The following ZNF529 variants were observed in gnomAD, a reference collection of about 807,000 sequenced individuals.
ZNF529 encodes the protein zinc finger protein 529.
In ZNF529, 11 loss-of-function variants were observed where a neutral mutation model predicts 10.1. The observed-to-expected ratio is 1.09, with a 90% CI of 0.69 to 1.81. ZNF529 has a LOEUF of 1.81. Among genes scored for constraint, ZNF529 ranks in the 40% most tolerant of loss-of-function variants. The pLI, the probability that ZNF529 is intolerant of heterozygous loss-of-function variation, is 0.00. For synonymous variants in ZNF529, 204 were observed against 215.7 expected, an observed-to-expected ratio of 0.95 and a Z score of 0.47; for missense variants, 624 against 666.8, an observed-to-expected ratio of 0.94 and a Z score of 0.71.
chr19:36,555,164 A>G lies in ZNF529; in HGVS notation c.109-368T>C, dbSNP rs910130454. Among the ~76,000 whole-genome samples, 8 of 152,212 alleles carry G rather than the reference A, an allele frequency of 5.3e-5. No homozygotes were observed. In the South Asian group the frequency reaches 1.7e-3, roughly 32 times the overall value. ...ATACCGTCATTCCCCTGTACAGGAGAAAAATATCTAACTTTGAAAATGGGG... is the reference window on the plus strand; with the variant it reads ...ATACCGTCATTCCCCTGTACAGGAGGAAAATATCTAACTTTGAAAATGGGG... On this transcript the variant is annotated intron_variant, in intron 3 of 4. Transcript: ENST00000591340.
chr19:36,579,691 C>T (rs528782004), intron 2 of ZNF529, among the ~76,000 whole-genome samples: 13 of 152,196 alleles, frequency 8.5e-5, no homozygotes, highest in Non-Finnish European at 1.2e-4. Context: ...AATGGCACAC[C>T]GGTATAAGAT....
At chr19:36,585,018 G>A (rs1489823407) in intron 2 of ZNF529, among the ~76,000 whole-genome samples, 1 of 152,118 alleles carries the variant, frequency 6.6e-6, no homozygotes, top group Non-Finnish European at 1.5e-5. Context: ...CAGAAAGTGG[G>A]GAAAGAGATG....
chr19:36,589,904 A>G (rs190672590), intron 1 of ZNF529, among the ~76,000 whole-genome samples: 1 of 152,216 alleles, frequency 6.6e-6, no homozygotes, highest in African/African-American at 2.4e-5. Context: ...AAAATCGTAC[A>G]CAATGTATTC....
rs2035207081 is a variant in ZNF529, at chr19:36,550,199, G to T, written c.236-1877C>A. On this transcript the variant is annotated intron_variant, in intron 4 of 4. Coordinates refer to ENST00000591340, the MANE Select transcript of ZNF529 (RefSeq NM_020951.5). ...TGACGACAACATTAAAACCAGATTT[G>T]AGTGCCAGTATCAGTAAATCAAAAG... Among the ~76,000 whole-genome samples, 4 of 152,158 alleles carry T rather than the reference G, an allele frequency of 2.6e-5. No individual in the cohort carries two copies. The South Asian group carries it at 6.2e-4, about 24-fold the overall frequency.
In ZNF529 at chr19:36,548,329, G is replaced by A. The variant is rs1482551990; in HGVS notation, c.236-7C>T. 7 of 1,503,642 alleles carry A rather than the reference G, an allele frequency of 4.7e-6. No individual in the cohort carries two copies. The East Asian group carries it at 7.2e-5, about 15-fold the overall frequency. The allele number at this position is 1,503,642 out of a possible 1,614,324, so 93.1% of individuals were successfully genotyped here. Reference sequence around the variant, plus strand: ...TCATTCCTGGACTCCAAATCTGAAAGAAAGGAAAAAATAATTTTCATGTAC... The same window carrying A: ...TCATTCCTGGACTCCAAATCTGAAAAAAAGGAAAAAATAATTTTCATGTAC... On this transcript the variant is annotated splice_polypyrimidine_tract_variant and splice_region_variant and intron_variant, in intron 4 of 4. Transcript: ENST00000591340.
At chr19:36,602,286 T>C (rs1204444039) in intron 1 of ZNF529, among the ~76,000 whole-genome samples, 3 of 152,076 alleles carry the variant, frequency 2.0e-5, no homozygotes, top group African/African-American at 7.2e-5. Flanking sequence ...GACCTTGTGA[T>C]CCACCCACCT....
chr19:36,547,455 C>T lies in ZNF529; in HGVS notation c.1103G>A (p.Cys368Tyr). 1.2e-6 allele frequency: 2 copies of T among 1,614,008 alleles called. No homozygotes were observed. Among genetic ancestry groups the T allele is most frequent in the South Asian group, 1.1e-5 (1 of 91,072 alleles). ...RIHTGEKPYA[C>Y]KECGKAFGVC... Reference sequence around the variant, plus strand: ...TCCAAAAGCCTTCCCACATTCCTTACATGCATAAGGTTTCTCACCAGTGTG... The same window carrying T: ...TCCAAAAGCCTTCCCACATTCCTTATATGCATAAGGTTTCTCACCAGTGTG... The change falls in exon 5 of 5, where the codon TGT becomes TAT. Residue 368 changes from cysteine to tyrosine, a missense_variant. By Grantham distance (194) the Cys-to-Tyr change is radical. Coordinates refer to ENST00000591340, the MANE Select transcript of ZNF529 (RefSeq NM_020951.5).
intron 2 of ZNF529, among the ~76,000 whole-genome samples, chr19:36,568,387 A>C (rs1413985403): frequency 6.6e-6 from 1 of 152,146 alleles, no homozygotes; most frequent in Non-Finnish European, 1.5e-5. Flanking sequence ...AGAAGGAACA[A>C]AGCAGAGCTT....
At position 36,556,210 on chromosome 19, in the gene ZNF529, T is replaced by C. The variant is rs778403820; in HGVS notation, c.15-13A>G. 3.0e-6 allele frequency: 3 copies of C among 992,610 alleles called. No individual in the cohort carries two copies. In the South Asian group the frequency reaches 4.1e-5, roughly 14 times the overall value. The allele number at this position is 992,610 out of a possible 1,614,324, so 61.5% of individuals were successfully genotyped here. On this transcript the variant is annotated splice_polypyrimidine_tract_variant and intron_variant, in intron 2 of 4. Transcript: ENST00000591340. The stretch of plus-strand genomic sequence containing the variant: ...ATCCCCAATGAAACTGTAAAAATTA[T>C]TTTTTAAGAAAGAACCACCATTAAA...
chr19:36,554,405 T>C (rs753656071), intron 4 of ZNF529, among the ~76,000 whole-genome samples: 4 of 152,096 alleles, frequency 2.6e-5, no homozygotes, highest in East Asian at 3.9e-4. Flanking sequence ...GGTGAAACCC[T>C]GTCTCTACTA....
rs1407176468 is a variant in ZNF529, at chr19:36,544,178, C to A, written c.*2688G>T. On this transcript the variant is annotated 3_prime_UTR_variant, in exon 5 of 5. Coordinates refer to ENST00000591340, the MANE Select transcript of ZNF529 (RefSeq NM_020951.5). ...TGTTTTTGAGTAAAAATAGTAAAAA[C>A]CAAACAGTAATACCACCAATAATAA... 1 of 151,764 alleles carries A rather than the reference C, an allele frequency of 6.6e-6. No homozygotes were observed. Among genetic ancestry groups the A allele is most frequent in the Non-Finnish European group, 1.5e-5 (1 of 67,928 alleles). The allele number at this position is 151,764 out of a possible 1,614,324, so 9.4% of individuals were successfully genotyped here.
At chr19:36,576,863 A>G (rs531216535), upstream of ZNF529, among the ~76,000 whole-genome samples, 13 of 151,930 alleles carry the variant, frequency 8.6e-5, no homozygotes, top group Admixed American at 7.9e-4. Flanking sequence ...TTTGATGTCT[A>G]TGTAGTGAGT....
intron 2 of ZNF529, among the ~76,000 whole-genome samples, chr19:36,587,934 G>A (rs1451630700): frequency 6.6e-6 from 1 of 152,162 alleles, no homozygotes; most frequent in Non-Finnish European, 1.5e-5. Flanking sequence ...TGATGCTTGA[G>A]CCCAGGAGTT....
Position 36,548,258 on chromosome 19 carries a change from A to C in ZNF529, c.300T>G (p.Gly100=). Residue 100 remains glycine, a synonymous_variant, in exon 5 of 5, where the codon GGT becomes GGG. Coordinates refer to ENST00000591340, the MANE Select transcript of ZNF529 (RefSeq NM_020951.5). ...TACTTTCCATTACCTCCCACTGAGA[A>C]CCAGTGTTTTGAATAATATCTTTTC... ...SVGKDIIQNT[G]SQWEVMESSK... 1 of 1,613,242 alleles carries C rather than the reference A, an allele frequency of 6.2e-7. No individual in the cohort carries two copies. The highest frequency in any genetic ancestry group is 8.5e-7 in the Non-Finnish European group (1 of 1,179,530).
rs559783332 is a variant in ZNF529, at chr19:36,561,091, C to G, written c.15-4894G>C. Among the ~76,000 whole-genome samples, 200 of 152,276 alleles carry G rather than the reference C, an allele frequency of 1.3e-3. 2 individuals are homozygous for G. The highest frequency in any genetic ancestry group is 4.7e-3 in the African/African-American group (195 of 41,552). ...TCAGAGAGCTTCAAGGCTGCTCCTC[C>G]CATCACAGGCCCACAGTGCGAGGGC... On this transcript the variant is annotated intron_variant, in intron 2 of 4. Coordinates refer to ENST00000591340, the MANE Select transcript of ZNF529 (RefSeq NM_020951.5).
At chr19:36,578,926 C>T (rs989776091) in intron 2 of ZNF529, among the ~76,000 whole-genome samples, 1 of 151,368 alleles carries the variant, frequency 6.6e-6, no homozygotes, top group Non-Finnish European at 1.5e-5. Context: ...TGTATTTGCG[C>T]CTGGAGGCAG....
chr19:36,595,549 A>C (rs2036822008), intron 1 of ZNF529, among the ~76,000 whole-genome samples: 2 of 152,168 alleles, frequency 1.3e-5, no homozygotes, highest in Non-Finnish European at 2.9e-5. Flanking sequence ...ACATTAAAAA[A>C]TTAGCCAGGT....
At chr19:36,571,196 C>T (rs2036091991) in intron 2 of ZNF529, among the ~76,000 whole-genome samples, 2 of 152,144 alleles carry the variant, frequency 1.3e-5, no homozygotes, top group Admixed American at 6.5e-5. Flanking sequence ...GAAAATTTAG[C>T]ATCCAAATTG....
At chr19:36,600,105 G>A (rs1278847567) in intron 1 of ZNF529, among the ~76,000 whole-genome samples, 1 of 152,064 alleles carries the variant, frequency 6.6e-6, no homozygotes, top group Non-Finnish European at 1.5e-5. Context: ...CTAACCTCAG[G>A]TGATCCACCC....
Sources: allele counts gnomAD v4.1 joint callset (sites outside exome capture counted in the v4.1 genomes callset), GRCh38; gene constraint gnomAD v4.1.1; transcripts MANE v1.5; gene names NCBI Gene and HGNC (gene_info 2026-07-23, HGNC 2026-07-21).